The following SEPTIN9 variants were observed in gnomAD, a reference collection of about 807,000 sequenced individuals.
The protein encoded by SEPTIN9 is septin 9, also known as septin-9.
SEPTIN9 carries 13 observed loss-of-function variants against 56.6 expected under a neutral mutation model. That is an observed-to-expected ratio of 0.23 (90% CI 0.15 to 0.37). The LOEUF is 0.37. SEPTIN9 is among the 10% of genes least tolerant of loss of function. The pLI is 1.00. For synonymous variants in SEPTIN9, 332 were observed against 334.1 expected (o/e 0.99, Z 0.07); for missense variants, 650 against 823.1 (o/e 0.79, Z 2.57).
At chr17:77,342,179 C>T (rs2033755265) in intron 2 of SEPTIN9, among the ~76,000 whole-genome samples, 2 of 152,052 alleles carry the variant, frequency 1.3e-5, no homozygotes, top group Admixed American at 6.5e-5. Flanking sequence ...AATCATCAAA[C>T]TCCTACACAG....
At chr17:77,373,755 G>C in intron 2 of SEPTIN9, 1 of 1,052,680 alleles carries the variant, frequency 9.5e-7, no homozygotes, top group Non-Finnish European at 1.3e-6. Flanking sequence ...ACCCTGTTAG[G>C]GGCACCCGCG....
At chr17:77,482,930 A>C in intron 4 of SEPTIN9, 2 of 213,436 alleles carry the variant, frequency 9.4e-6, no homozygotes, top group East Asian at 1.1e-4. Flanking sequence ...TCCCATTCAA[A>C]CCTCACAGGG....
At chr17:77,462,823 G>T (rs1409034712) in intron 3 of SEPTIN9, among the ~76,000 whole-genome samples, 4 of 152,130 alleles carry the variant, frequency 2.6e-5, no homozygotes, top group African/African-American at 7.2e-5. Flanking sequence ...TGTATTTTTA[G>T]TAGGGATGGG....
At position 77,318,014 on chromosome 17, in the gene SEPTIN9, G is replaced by C. The variant is rs1044857893; in HGVS notation, c.76+10817G>C. Among the ~76,000 whole-genome samples, 1 of 152,090 alleles carries C rather than the reference G, an allele frequency of 6.6e-6. No homozygotes were observed. Among genetic ancestry groups the C allele is most frequent in the Non-Finnish European group, 1.5e-5 (1 of 68,026 alleles). On this transcript the variant is annotated intron_variant, in intron 2 of 11. Coordinates refer to ENST00000427177, the MANE Select transcript of SEPTIN9 (RefSeq NM_001113491.2). The surrounding 1 kb of genome is among the most constrained non-coding windows in gnomAD (Gnocchi z 4.9). ...TGCAGTGAACTGAGATAGTGCCACT[G>C]TACTCCAGCCTGGGTGGCAGAGCGA...
At chr17:77,393,334 C>T (rs454845) in intron 2 of SEPTIN9, among the ~76,000 whole-genome samples, 54,203 of 152,036 alleles carry the variant, frequency 0.36, 12,672 homozygotes, top group African/African-American at 0.65. Flanking sequence ...GACTGCACTG[C>T]TCACTCCTTC....
intron 2 of SEPTIN9, among the ~76,000 whole-genome samples, chr17:77,378,930 A>G (rs902284160): frequency 6.6e-6 from 1 of 150,594 alleles, no homozygotes; most frequent in African/African-American, 2.5e-5. Context: ...CACTTGCTGG[A>G]TGACCGGACC....
intron 2 of SEPTIN9, among the ~76,000 whole-genome samples, chr17:77,311,475 G>A (rs2032490405): frequency 6.6e-6 from 1 of 152,160 alleles, no homozygotes; most frequent in African/African-American, 2.4e-5. Context: ...GCCTGCACAA[G>A]TAGGTGTGAA....
Position 77,445,310 on chromosome 17 carries a change from C to T in SEPTIN9, c.722-36834C>T, listed in dbSNP as rs191101711. ...CCGCACCCCCATGCAGAAGCGCGGC[C>T]GCCAGCTCACAAAGGATAGGGAGGG... On this transcript the variant is annotated intron_variant, in intron 3 of 11. Transcript: ENST00000427177. The surrounding 1 kb of genome is among the most constrained non-coding windows in gnomAD (Gnocchi z 4.7). 10 of 465,710 alleles carry T rather than the reference C, an allele frequency of 2.1e-5. No individual in the cohort carries two copies. Among genetic ancestry groups the T allele is most frequent in the Admixed American group, 1.4e-4 (6 of 42,576 alleles). The allele number at this position is 465,710 out of a possible 1,614,324, so 28.8% of individuals were successfully genotyped here.
intron 2 of SEPTIN9, among the ~76,000 whole-genome samples, chr17:77,340,226 C>T (rs1416661297): frequency 4.6e-5 from 7 of 151,932 alleles, no homozygotes; most frequent in African/African-American, 1.7e-4. Context: ...CTGCAACCTC[C>T]GCCTCCTGGG....
chr17:77,361,856 T>G (rs2034429390), intron 2 of SEPTIN9, among the ~76,000 whole-genome samples: 1 of 152,250 alleles, frequency 6.6e-6, no homozygotes, highest in South Asian at 2.1e-4. Context: ...ATGGTCTCGA[T>G]CTCTTGACCT....
At chr17:77,290,089 A>AC (rs1199140081) in intron 1 of SEPTIN9, among the ~76,000 whole-genome samples, 2 of 151,742 alleles carry the variant, frequency 1.3e-5, no homozygotes, top group African/African-American at 4.8e-5. Context: ...GTAGGGAACC[A>AC]CCCTCTCCCC....
chr17:77,356,993 G>T lies in SEPTIN9; in HGVS notation c.77-45066G>T, dbSNP rs149649857. ...GCCAGGTCACTAGAACACAGCTGAG[G>T]AAGCTGTCGGCCAGACGTCCAGAAG... On this transcript the variant is annotated intron_variant, in intron 2 of 11. Transcript: ENST00000427177. Among the ~76,000 whole-genome samples the T allele has an allele frequency of 2.1e-3, 317 of 151,974 alleles. 1 individual carries two copies. The highest frequency in any genetic ancestry group is 4.0e-3 in the Non-Finnish European group (273 of 67,972).
At chr17:77,489,983 C>T (rs1436333269) in intron 7 of SEPTIN9, among the ~76,000 whole-genome samples, 3 of 152,208 alleles carry the variant, frequency 2.0e-5, no homozygotes, top group Non-Finnish European at 2.9e-5. Flanking sequence ...AAGCCGAGGG[C>T]GGGCGGGCGG....
At chr17:77,409,233 G>A (rs1272286633) in intron 3 of SEPTIN9, among the ~76,000 whole-genome samples, 3 of 152,136 alleles carry the variant, frequency 2.0e-5, no homozygotes, top group African/African-American at 4.8e-5. Flanking sequence ...AACTGTCCCT[G>A]GAGCCTCTCA....
intron 2 of SEPTIN9, among the ~76,000 whole-genome samples, chr17:77,334,060 A>G (rs1224164683): frequency 6.6e-6 from 1 of 152,082 alleles, no homozygotes; most frequent in African/African-American, 2.4e-5. Context: ...CAGTGGGGTA[A>G]GACTTGGGTT....
In SEPTIN9 at chr17:77,281,502, A is replaced by C; in HGVS notation, c.-34A>C. On this transcript the variant is annotated 5_prime_UTR_variant, in exon 1 of 12. Transcript: ENST00000427177. ...GCGCGCGCCCCGCTGCCTCGCCGCC[A>C]CACTTTCCTGGGAGCGGCGGCCACG... 1 of 1,545,794 alleles carries C rather than the reference A, an allele frequency of 6.5e-7. No individual in the cohort carries two copies. The highest frequency in any genetic ancestry group is 1.2e-5 in the South Asian group (1 of 83,798).
chr17:77,434,629 G>C lies in SEPTIN9; in HGVS notation c.721+31926G>C, dbSNP rs1394299315. ...TGGCAGGACCTGCACCATGACCCCC[G>C]TCAAAGCTCACGTCCAAGGCATTTG... On this transcript the variant is annotated intron_variant, in intron 3 of 11. Transcript: ENST00000427177. This position sits in a 1 kb window ranked among gnomAD's most constrained non-coding sequence, Gnocchi z 5.0. Among the ~76,000 whole-genome samples, 1 of 152,132 alleles carries C rather than the reference G, an allele frequency of 6.6e-6. No individual in the cohort carries two copies. The highest frequency in any genetic ancestry group is 1.5e-5 in the Non-Finnish European group (1 of 68,022).
rs2033274781 is a variant in SEPTIN9, at chr17:77,329,699, G to A, written c.76+22502G>A. ...CCCATCCCCAAGCAGGAACCCTGGT[G>A]CCTGGTGCCTGAGGACTGCTGTCCA... On this transcript the variant is annotated intron_variant, in intron 2 of 11. Transcript: ENST00000427177. This position sits in a 1 kb window ranked among gnomAD's most constrained non-coding sequence, Gnocchi z 4.3. 6.6e-6 allele frequency among the ~76,000 whole-genome samples: 1 copy of A among 152,164 alleles called. No individual in the cohort carries two copies. The highest frequency in any genetic ancestry group is 1.5e-5 in the Non-Finnish European group (1 of 68,024).
At chr17:77,299,448 A>G (rs2031944442) in intron 1 of SEPTIN9, among the ~76,000 whole-genome samples, 1 of 152,258 alleles carries the variant, frequency 6.6e-6, no homozygotes, top group South Asian at 2.1e-4. Flanking sequence ...TCATGCCTAC[A>G]ATCCCAGTGC....
Sources: allele counts gnomAD v4.1 joint callset (sites outside exome capture counted in the v4.1 genomes callset), GRCh38; gene constraint gnomAD v4.1.1; non-coding constraint Gnocchi (gnomAD v3.1); transcripts MANE v1.5; gene names NCBI Gene and HGNC (gene_info 2026-07-23, HGNC 2026-07-21).